CCBE1: variants seen among roughly 807,000 people sequenced by gnomAD.
CCBE1 encodes collagen and calcium binding EGF domains 1.
In CCBE1, 37 loss-of-function variants were observed where a neutral mutation model predicts 50.0. The ratio of observed to expected loss-of-function variants is 0.74; its 90% CI spans 0.57 to 0.97. The LOEUF is 0.97. Among genes scored for constraint, CCBE1 ranks in the 50% least tolerant of loss-of-function variants. The probability of loss-of-function intolerance (pLI) is 0.00; values close to 1 mark genes in which losing one functional copy is unlikely to be tolerated. For missense variants in CCBE1, 538 were observed against 523.8 expected, an observed-to-expected ratio of 1.03 and a Z score of -0.26; for synonymous variants, 234 against 203.7, an observed-to-expected ratio of 1.15 and a Z score of -1.27.
intron 2 of CCBE1, among the ~76,000 whole-genome samples, chr18:59,625,250 T>A (rs2053765624): frequency 6.6e-6 from 1 of 151,750 alleles, no homozygotes; most frequent in African/African-American, 2.4e-5. Context: ...GCTAACACGG[T>A]GAAACCCCAT....
chr18:59,647,638 G>T (rs572647091), intron 2 of CCBE1, among the ~76,000 whole-genome samples: 5 of 152,138 alleles, frequency 3.3e-5, no homozygotes, highest in Admixed American at 6.5e-5. Flanking sequence ...GGAAATGCAC[G>T]CATATTAGAA....
intron 2 of CCBE1, among the ~76,000 whole-genome samples, chr18:59,576,108 G>T (rs1311556483): frequency 6.6e-6 from 1 of 152,198 alleles, no homozygotes; most frequent in African/African-American, 2.4e-5. Context: ...ATTCATGAGT[G>T]TATGTTCCTT....
chr18:59,645,370 A>G (rs1485937390), intron 2 of CCBE1, among the ~76,000 whole-genome samples: 1 of 152,260 alleles, frequency 6.6e-6, no homozygotes, highest in Non-Finnish European at 1.5e-5. Context: ...TGTGACAGGT[A>G]ACAGAAAATG....
chr18:59,659,959 T>TC (rs1458525577), intron 2 of CCBE1, among the ~76,000 whole-genome samples: 1 of 152,204 alleles, frequency 6.6e-6, no homozygotes, highest in Non-Finnish European at 1.5e-5. Flanking sequence ...TGCAATGCTT[T>TC]CCTTTTCTCT....
chr18:59,568,055 A>G (rs1310973917), intron 2 of CCBE1: 6 of 152,176 alleles, frequency 3.9e-5, no homozygotes, highest in Non-Finnish European at 8.8e-5. Flanking sequence ...AACCACGGTT[A>G]GGAGAATCCT....
chr18:59,436,799 T>C (rs1157251212), intron 10 of CCBE1, among the ~76,000 whole-genome samples: 1 of 152,126 alleles, frequency 6.6e-6, no homozygotes, highest in Non-Finnish European at 1.5e-5. Flanking sequence ...TGAAACCCTG[T>C]CTCTACAAAA....
intron 2 of CCBE1, among the ~76,000 whole-genome samples, chr18:59,622,937 A>G (rs1158828574): frequency 6.6e-6 from 1 of 152,174 alleles, no homozygotes; most frequent in East Asian, 1.9e-4. Flanking sequence ...CTATGATGGA[A>G]AATACATGTC....
At chr18:59,697,637 G>T, upstream of CCBE1, 1 of 395,890 alleles carries the variant, frequency 2.5e-6, no homozygotes, top group Non-Finnish European at 4.6e-6. Flanking sequence ...GGACGTTCAC[G>T]TCCGATTGAC....
chr18:59,589,691 C>T (rs573751853), intron 2 of CCBE1, among the ~76,000 whole-genome samples: 53 of 147,246 alleles, frequency 3.6e-4, no homozygotes, highest in African/African-American at 1.3e-3. Flanking sequence ...CCCAGCTACT[C>T]AGGAGGCTGA....
intron 2 of CCBE1, among the ~76,000 whole-genome samples, chr18:59,570,985 T>C (rs1372965763): frequency 3.3e-5 from 5 of 152,174 alleles, no homozygotes; most frequent in African/African-American, 1.2e-4. Context: ...TCATGCTCCA[T>C]CACAAGAGTA....
chr18:59,569,251 ACCAGCTTG>A (rs1306851162), intron 2 of CCBE1, among the ~76,000 whole-genome samples: 1 of 152,188 alleles, frequency 6.6e-6, no homozygotes, highest in African/African-American at 2.4e-5. Flanking sequence ...ACTTTATTGT[ACCAGCTTG>A]CCAGAAACCG....
Position 59,439,706 on chromosome 18 carries a change from G to A in CCBE1, c.886C>T (p.His296Tyr), listed in dbSNP as rs781472830. The A allele has an allele frequency of 1.2e-6, 2 of 1,614,228 alleles. No individual in the cohort carries two copies. The highest frequency in any genetic ancestry group is 1.3e-5 in the African/African-American group (1 of 75,062). ...GGGCCCCTCCGGCCTTGCTTAATGT[G>A]GGACAGATCAGGAGATGGTCCCATG... is the stretch of plus-strand genomic sequence containing the variant. ...GPMGPSPDLS[H>Y]IKQGRRGPVG... The change falls in exon 8 of 11, where the codon CAC (histidine) becomes TAC (tyrosine). Residue 296 changes from histidine to tyrosine, a missense_variant. Coordinates refer to ENST00000439986, the MANE Select transcript of CCBE1 (RefSeq NM_133459.4).
intron 2 of CCBE1, among the ~76,000 whole-genome samples, chr18:59,505,211 T>C (rs1913815293): frequency 1.3e-5 from 2 of 152,100 alleles, no homozygotes; most frequent in Admixed American, 6.5e-5. Context: ...ATTCAAACCA[T>C]TTATAGTTGA....
chr18:59,465,610 T>G (rs562328352), intron 5 of CCBE1: 1 of 152,326 alleles, frequency 6.6e-6, no homozygotes, highest in African/African-American at 2.4e-5. Context: ...AGATGTAAAA[T>G]GCAAGCATAA....
At chr18:59,514,780 A>T (rs926945231) in intron 2 of CCBE1, among the ~76,000 whole-genome samples, 1 of 152,086 alleles carries the variant, frequency 6.6e-6, no homozygotes, top group African/African-American at 2.4e-5. Context: ...TAAAACATCA[A>T]GGAGAAGTCA....
At chr18:59,657,977 G>T (rs1479293675) in intron 2 of CCBE1, among the ~76,000 whole-genome samples, 1 of 152,026 alleles carries the variant, frequency 6.6e-6, no homozygotes, top group African/African-American at 2.4e-5. Context: ...ACGGGAGGCA[G>T]CACATTGGAG....
intron 3 of CCBE1, among the ~76,000 whole-genome samples, chr18:59,469,973 C>G (rs1911951947): frequency 6.6e-6 from 1 of 152,150 alleles, no homozygotes; most frequent in Non-Finnish European, 1.5e-5. Flanking sequence ...TGACTCCACC[C>G]AGCAGAATAC....
intron 2 of CCBE1, among the ~76,000 whole-genome samples, chr18:59,487,649 T>A (rs1229402256): frequency 1.3e-5 from 2 of 152,186 alleles, no homozygotes; most frequent in Non-Finnish European, 2.9e-5. Context: ...ACCTGCCTAT[T>A]TGTTCATCTA....
intron 2 of CCBE1, among the ~76,000 whole-genome samples, chr18:59,605,835 G>C (rs921538210): frequency 1.3e-5 from 2 of 152,202 alleles, no homozygotes; most frequent in Non-Finnish European, 2.9e-5. Context: ...ACTGCTAGGG[G>C]TGGCCTTGGG....
Sources: gnomAD v4.1 joint callset for allele counts (sites outside exome capture counted in the v4.1 genomes callset) on GRCh38, gnomAD v4.1.1 for gene constraint, MANE v1.5 for transcripts, NCBI Gene and HGNC (gene_info 2026-07-23, HGNC 2026-07-21) for gene names.